The following CNTN1 variants were observed in gnomAD, a reference collection of about 807,000 sequenced individuals.
The protein encoded by CNTN1 is contactin 1.
CNTN1 carries 38 observed loss-of-function variants against 126.4 expected under a neutral mutation model. The ratio of observed to expected loss-of-function variants is 0.30; its 90% CI spans 0.23 to 0.39. The LOEUF (loss-of-function observed/expected upper bound fraction) is 0.39. Ranked by LOEUF, CNTN1 falls within the 10% of genes least tolerant of loss-of-function variation. CNTN1 has a pLI of 1.00. For missense variants in CNTN1, 1,009 were observed against 1,248.4 expected, an observed-to-expected ratio of 0.81 and a Z score of 2.89; for synonymous variants, 413 against 422.6, an observed-to-expected ratio of 0.98 and a Z score of 0.28.
At chr12:40,981,109 G>A (rs1265661347) in intron 16 of CNTN1, 42 bp downstream of exon 16, 1 of 1,605,088 alleles carries the variant, frequency 6.2e-7, no homozygotes, top group East Asian at 2.2e-5. Flanking sequence ...TGTTTTCAAA[G>A]TGAATTCTTT....
At position 40,954,914 on chromosome 12, in the gene CNTN1, G is replaced by A. The variant is rs148188656; in HGVS notation, c.1684-4200G>A. Reference sequence around the variant, plus strand: ...AAAGCTTACCAAGCCTTTCTGTCCAGAGTTTTTGGGGGGACTTCATCAACT... The same window carrying A: ...AAAGCTTACCAAGCCTTTCTGTCCAAAGTTTTTGGGGGGACTTCATCAACT... On this transcript the variant is annotated intron_variant, in intron 14 of 23. Coordinates refer to ENST00000551295, the MANE Select transcript of CNTN1 (RefSeq NM_001843.4). 2.1e-3 allele frequency among the ~76,000 whole-genome samples: 323 copies of A among 152,222 alleles called. 6 individuals carry two copies. Among genetic ancestry groups the A allele is most frequent in the Admixed American group, 0.018 (280 of 15,258 alleles).
chr12:40,986,479 C>T (rs2120440249), intron 16 of CNTN1, among the ~76,000 whole-genome samples: 1 of 152,306 alleles, frequency 6.6e-6, no homozygotes, highest in South Asian at 2.1e-4. Flanking sequence ...TCCTACATAT[C>T]TGAGTGTCTG....
intron 1 of CNTN1, among the ~76,000 whole-genome samples, chr12:40,744,303 A>AT (rs1057352392): frequency 4.3e-4 from 8 of 18,572 alleles, no homozygotes; most frequent in Middle Eastern, 0.042. Flanking sequence ...ATTAAATTAA[A>AT]TAAAAAAAAA....
At chr12:40,895,079 T>A (rs1944362576) in intron 1 of CNTN1, among the ~76,000 whole-genome samples, 1 of 152,198 alleles carries the variant, frequency 6.6e-6, no homozygotes, top group South Asian at 2.1e-4. Context: ...TGTGTTATAG[T>A]AAGCTTAAGT....
intron 23 of CNTN1, among the ~76,000 whole-genome samples, chr12:41,038,261 G>A (rs2120923841): frequency 6.6e-6 from 1 of 152,242 alleles, no homozygotes; most frequent in East Asian, 1.9e-4. Context: ...GTTGAGTAAA[G>A]GATAGTTAGT....
chr12:41,069,348 T>A (rs1240844189), intron 23 of CNTN1, among the ~76,000 whole-genome samples: 1 of 152,222 alleles, frequency 6.6e-6, no homozygotes, highest in Non-Finnish European at 1.5e-5. Context: ...ACCATTGGGA[T>A]GTGAAATTAT....
chr12:40,773,640 TATATATATATATATACAC>T (rs1939437848), intron 1 of CNTN1, among the ~76,000 whole-genome samples: 1 of 12,346 alleles, frequency 8.1e-5, no homozygotes, highest in African/African-American at 2.3e-4. Flanking sequence ...ACTGTATATA[TATATATATATATATACAC>T]ATATATATAT....
chr12:40,921,163 T>G (rs1224587005), intron 4 of CNTN1, among the ~76,000 whole-genome samples: 2 of 152,194 alleles, frequency 1.3e-5, no homozygotes, highest in Non-Finnish European at 2.9e-5. Context: ...TTTTAAATTA[T>G]CTCCTATACT....
rs533005160 is a variant in CNTN1 at position 40,981,094 on chromosome 12, G to A, written c.1963+27G>A. The A allele has an allele frequency of 2.2e-5, 35 of 1,609,346 alleles. No individual in the cohort carries two copies. In the East Asian group the frequency reaches 2.2e-4, roughly 10 times the overall value. On this transcript the variant is annotated intron_variant, in intron 16 of 23. Transcript: ENST00000551295. ...TGAGTTTTATTTGTCTGATTAATCC[G>A]TGCATGTTTTCAAAGTGAATTCTTT...
intron 1 of CNTN1, among the ~76,000 whole-genome samples, chr12:40,828,728 C>A (rs1941703833): frequency 1.3e-5 from 2 of 152,064 alleles, no homozygotes; most frequent in Non-Finnish European, 2.9e-5. Context: ...AATCCTTCTC[C>A]CAGAAGCAGA....
intron 17 of CNTN1, among the ~76,000 whole-genome samples, chr12:41,008,128 G>A (rs1475546491): frequency 6.6e-6 from 1 of 152,158 alleles, no homozygotes; most frequent in East Asian, 1.9e-4. Context: ...AGCAGCTATG[G>A]CTCCTCCTGG....
intron 17 of CNTN1, among the ~76,000 whole-genome samples, chr12:40,999,914 G>A (rs1199767311): frequency 6.6e-6 from 1 of 151,804 alleles, no homozygotes; most frequent in East Asian, 1.9e-4. Context: ...CACTGTGTTA[G>A]CCAGGGTGGT....
chr12:41,056,344 TG>T (rs1949801229), intron 23 of CNTN1, among the ~76,000 whole-genome samples: 1 of 152,112 alleles, frequency 6.6e-6, no homozygotes, highest in Non-Finnish European at 1.5e-5. Context: ...GTCCTACAGC[TG>T]GTTAAGCTAG....
At chr12:40,995,661 G>C (rs1007708275) in intron 17 of CNTN1, among the ~76,000 whole-genome samples, 6 of 152,024 alleles carry the variant, frequency 3.9e-5, no homozygotes, top group Admixed American at 1.3e-4. Flanking sequence ...CAAGCCATTA[G>C]AGCCAAGGCC....
chr12:41,069,499 A>T (rs1950119557), intron 23 of CNTN1, among the ~76,000 whole-genome samples: 2 of 152,064 alleles, frequency 1.3e-5, no homozygotes, highest in South Asian at 2.1e-4. Flanking sequence ...GGTTTGTTAC[A>T]TATGTATACA....
intron 1 of CNTN1, among the ~76,000 whole-genome samples, chr12:40,901,132 T>C (rs1381732868): frequency 6.6e-6 from 1 of 152,220 alleles, no homozygotes; most frequent in Non-Finnish European, 1.5e-5. Context: ...TCTAGAGCTG[T>C]ACTGAGTTAA....
At chr12:40,894,546 A>C (rs1296594313) in intron 1 of CNTN1, among the ~76,000 whole-genome samples, 2 of 152,190 alleles carry the variant, frequency 1.3e-5, no homozygotes, top group Admixed American at 6.5e-5. Context: ...AACTGTTCTG[A>C]AAATAACATA....
chr12:40,771,900 C>T (rs939649498), intron 1 of CNTN1, among the ~76,000 whole-genome samples: 8 of 151,696 alleles, frequency 5.3e-5, no homozygotes, highest in Non-Finnish European at 8.8e-5. Flanking sequence ...AATGCTATGC[C>T]GAGGGAAATA....
intron 1 of CNTN1, among the ~76,000 whole-genome samples, chr12:40,718,674 C>T (rs1173510219): frequency 1.3e-5 from 2 of 152,184 alleles, no homozygotes; most frequent in African/African-American, 4.8e-5. Flanking sequence ...AGAGTCCTCA[C>T]ATGGCACTGT....
Sources: gnomAD v4.1 joint callset for allele counts (sites outside exome capture counted in the v4.1 genomes callset) on GRCh38, gnomAD v4.1.1 for gene constraint, MANE v1.5 for transcripts, NCBI Gene and HGNC (gene_info 2026-07-23, HGNC 2026-07-21) for gene names.